The following PCDH15 variants were observed in gnomAD, a reference collection of about 807,000 sequenced individuals.
PCDH15 encodes protocadherin related 15.
A neutral mutation model predicts 178.5 loss-of-function variants in PCDH15; 129 were observed. The observed-to-expected ratio is 0.72, with a 90% CI of 0.63 to 0.84. The LOEUF is 0.84. Ranked by LOEUF, PCDH15 falls within the 40% of genes least tolerant of loss-of-function variation. The pLI, the probability that PCDH15 is intolerant of heterozygous loss-of-function variation, is 0.00. For synonymous variants in PCDH15, 800 were observed against 732.0 expected (o/e 1.09, Z -1.50); for missense variants, 2,230 against 2,099.9 (o/e 1.06, Z -1.21).
chr10:55,181,979 CCTT>C (rs370703141), intron 1 of PCDH15, among the ~76,000 whole-genome samples: 125 of 151,950 alleles, frequency 8.2e-4, no homozygotes, highest in Admixed American at 5.6e-3. Flanking sequence ...TCAAGATTGT[CCTT>C]CTTCAGAAGT....
chr10:54,988,575 T>G (rs1839427233), intron 2 of PCDH15, among the ~76,000 whole-genome samples: 1 of 152,212 alleles, frequency 6.6e-6, no homozygotes, highest in Admixed American at 6.5e-5. Context: ...TGTTATGTTT[T>G]AGCAAAGAGA....
At chr10:54,820,886 A>C (rs1022423543) in intron 3 of PCDH15, among the ~76,000 whole-genome samples, 1 of 152,044 alleles carries the variant, frequency 6.6e-6, no homozygotes, top group African/African-American at 2.4e-5. Context: ...AATCTTAAGA[A>C]TTTTATGACC....
intron 27 of PCDH15, among the ~76,000 whole-genome samples, chr10:53,859,686 T>C (rs1297547245): frequency 1.3e-5 from 2 of 152,022 alleles, no homozygotes; most frequent in Non-Finnish European, 2.9e-5. Flanking sequence ...AAAAAATGTT[T>C]CACATGTGCA....
intron 2 of PCDH15, among the ~76,000 whole-genome samples, chr10:55,420,020 A>C (rs2132044243): frequency 6.6e-6 from 1 of 151,852 alleles, no homozygotes; most frequent in East Asian, 1.9e-4. Flanking sequence ...ATATTGTTAA[A>C]CATTTATTTA....
intron 35 of PCDH15, among the ~76,000 whole-genome samples, chr10:53,815,054 G>T (rs1288492140): frequency 1.5e-4 from 22 of 150,596 alleles, no homozygotes; most frequent in African/African-American, 5.4e-4. Flanking sequence ...GGCCCTTTTT[G>T]TTGTTCCACA....
Position 55,618,921 on chromosome 10 carries a change from A to G in PCDH15, c.-156+8704T>C, listed in dbSNP as rs1843532691. Among the ~76,000 whole-genome samples the G allele has an allele frequency of 2.0e-5, 3 of 152,100 alleles. No individual in the cohort carries two copies. The South Asian group carries it at 6.2e-4, about 31-fold the overall frequency. ...TGTGCTTAGGCATGATGACAAAAAA[A>G]TAAGAAAGAACTGTGAATGCACTTT... On this transcript the variant is annotated intron_variant, in intron 2 of 5. Transcript: ENST00000613346.
chr10:54,245,460 A>C (rs2055827990), intron 8 of PCDH15, among the ~76,000 whole-genome samples: 1 of 152,166 alleles, frequency 6.6e-6, no homozygotes, highest in Non-Finnish European at 1.5e-5. Flanking sequence ...TGACTTTACC[A>C]AATAAAGCTT....
intron 13 of PCDH15, among the ~76,000 whole-genome samples, chr10:54,158,893 G>T (rs2045431047): frequency 6.6e-6 from 1 of 152,076 alleles, no homozygotes; most frequent in Admixed American, 6.6e-5. Flanking sequence ...AGATCACGAG[G>T]TCAGGAGTTT....
chr10:55,158,911 C>G (rs150220114), intron 2 of PCDH15, among the ~76,000 whole-genome samples: 293 of 150,304 alleles, frequency 1.9e-3, no homozygotes, highest in African/African-American at 6.7e-3. Context: ...AAAACAAGAG[C>G]TCAAGATATA....
At chr10:54,700,839 C>T (rs995540731) in intron 1 of PCDH15, among the ~76,000 whole-genome samples, 1 of 151,984 alleles carries the variant, frequency 6.6e-6, no homozygotes, top group African/African-American at 2.4e-5. Flanking sequence ...AGGGCCAACA[C>T]TTAAATTCAG....
intron 1 of PCDH15, among the ~76,000 whole-genome samples, chr10:55,185,511 T>C (rs1263847630): frequency 6.6e-6 from 1 of 151,664 alleles, no homozygotes; most frequent in Non-Finnish European, 1.5e-5. Context: ...AGAATAAAGA[T>C]TGCTAGGAGG....
chr10:53,857,847 A>G lies in PCDH15; in HGVS notation c.3718-584T>C, dbSNP rs530167117. ...ACTATGTATCATTCATTTAAAATCT[A>G]CTGAATTTCTTCTATGTTCTTATAT... On this transcript the variant is annotated intron_variant, in intron 27 of 37. Transcript: ENST00000644397. 1.1e-4 allele frequency among the ~76,000 whole-genome samples: 17 copies of G among 152,174 alleles called. No individual in the cohort carries two copies. In the East Asian group the frequency reaches 3.1e-3, roughly 28 times the overall value.
At chr10:55,613,487 T>C (rs1025399816) in intron 2 of PCDH15, among the ~76,000 whole-genome samples, 14 of 152,216 alleles carry the variant, frequency 9.2e-5, no homozygotes, top group African/African-American at 3.4e-4. Context: ...CAAACAGTTA[T>C]GCTCTGTATT....
intron 3 of PCDH15, among the ~76,000 whole-genome samples, chr10:54,458,418 G>A (rs1034464572): frequency 3.3e-5 from 5 of 152,034 alleles, no homozygotes; most frequent in Admixed American, 1.3e-4. Context: ...TTAACTTAAT[G>A]GCAGTTATCT....
rs143064298 is a variant in PCDH15 at position 54,012,312 on chromosome 10, C to T, written c.2751+7880G>A. On this transcript the variant is annotated intron_variant, in intron 20 of 37. Transcript: ENST00000644397. ...GATTATGTGAAGAGACCAGATCTAC[C>T]CCTCATTGGCGTCACTGAGGGAAAT... is the stretch of plus-strand genomic sequence containing the variant. 5.9e-3 allele frequency among the ~76,000 whole-genome samples: 893 copies of T among 151,818 alleles called. 5 individuals carry two copies. The highest frequency in any genetic ancestry group is 0.02 in the African/African-American group (826 of 41,410).
chr10:54,369,206 A>G lies in PCDH15; in HGVS notation c.388T>C (p.Tyr130His). Residue 130 changes from tyrosine to histidine, a missense_variant, in exon 5 of 38, where the codon TAC (tyrosine) becomes CAC (histidine). Tyr to His is a moderately conservative substitution (Grantham distance 83). Coordinates refer to ENST00000644397, the MANE Select transcript of PCDH15 (RefSeq NM_001384140.1). ...CTCACCACTATTCGCACTTCATGGT[A>G]GATAATAGTGCCCACTTTTTTGTTG... ...CINKKVGTIIYHEVRIVVRDR... is the reference protein window; with the variant it reads ...CINKKVGTIIHHEVRIVVRDR... The G allele has an allele frequency of 6.2e-7, 1 of 1,613,052 alleles. No individual in the cohort carries two copies. The highest frequency in any genetic ancestry group is 8.5e-7 in the Non-Finnish European group (1 of 1,179,404).
chr10:55,567,860 A>T (rs754214646), intron 2 of PCDH15, among the ~76,000 whole-genome samples: 11 of 152,018 alleles, frequency 7.2e-5, no homozygotes, highest in African/African-American at 2.7e-4. Flanking sequence ...AAAAACTACA[A>T]TGAGATACCA....
intron 1 of PCDH15, among the ~76,000 whole-genome samples, chr10:55,279,302 G>A (rs11004796): frequency 0.22 from 33,175 of 152,102 alleles, 3,730 homozygotes; most frequent in Admixed American, 0.28. Context: ...TGTAGTAGAT[G>A]TGCGTGGAAA....
At chr10:55,505,557 A>T (rs1840742735) in intron 2 of PCDH15, among the ~76,000 whole-genome samples, 1 of 151,296 alleles carries the variant, frequency 6.6e-6, no homozygotes, top group South Asian at 2.1e-4. Context: ...CAATATATGG[A>T]AGGTAGGAGT....
Sources: allele counts gnomAD v4.1 joint callset (sites outside exome capture counted in the v4.1 genomes callset), GRCh38; gene constraint gnomAD v4.1.1; transcripts MANE v1.5; gene names NCBI Gene and HGNC (gene_info 2026-07-23, HGNC 2026-07-21).